SYK: variants seen among roughly 807,000 people sequenced by gnomAD.
SYK encodes tyrosine-protein kinase SYK.
In SYK, 16 loss-of-function variants were observed where a neutral mutation model predicts 77.8. The ratio of observed to expected loss-of-function variants is 0.21; its 90% CI spans 0.14 to 0.31. The LOEUF is 0.31. SYK is among the 10% of genes least tolerant of loss of function. The pLI is 1.00. For missense variants in SYK, 529 were observed against 814.4 expected, an observed-to-expected ratio of 0.65 and a Z score of 4.26; for synonymous variants, 312 against 308.7, an observed-to-expected ratio of 1.01 and a Z score of -0.11.
chr9:90,821,832 G>A (rs1825529511), intron 1 of SYK, among the ~76,000 whole-genome samples: 1 of 152,212 alleles, frequency 6.6e-6, no homozygotes, highest in Non-Finnish European at 1.5e-5. Flanking sequence ...GTGCTATCTG[G>A]TGTCCCTAGG....
In SYK at chr9:90,896,594, A is replaced by G. The variant is rs1447434420; in HGVS notation, c.*994A>G. On this transcript the variant is annotated 3_prime_UTR_variant, in exon 14 of 14. Coordinates refer to ENST00000375754, the MANE Select transcript of SYK (RefSeq NM_003177.7). The stretch of plus-strand genomic sequence containing the variant: ...CCAAAGAAAGTATTAATTCAGAACA[A>G]GCCAAAGACCCTGAGCCTCACCACA... 2.1e-5 allele frequency: 5 copies of G among 233,026 alleles called. No individual in the cohort carries two copies. The highest frequency in any genetic ancestry group is 8.8e-5 in the African/African-American group (4 of 45,450). The allele number at this position is 233,026 out of a possible 1,614,324, so 14.4% of individuals were successfully genotyped here.
intron 1 of SYK, among the ~76,000 whole-genome samples, chr9:90,811,470 A>G (rs1825067972): frequency 6.6e-6 from 1 of 152,212 alleles, no homozygotes; most frequent in African/African-American, 2.4e-5. Context: ...TAATAGCAAA[A>G]AAAAATCACT....
At chr9:90,812,778 T>A (rs941343866) in intron 1 of SYK, among the ~76,000 whole-genome samples, 3 of 135,862 alleles carry the variant, frequency 2.2e-5, no homozygotes, top group African/African-American at 9.0e-5. Flanking sequence ...TGTGTGTGTG[T>A]GAGAGAGAGA....
chr9:90,883,746 T>G (rs1828249412), intron 11 of SYK, among the ~76,000 whole-genome samples: 3 of 152,066 alleles, frequency 2.0e-5, no homozygotes, highest in Non-Finnish European at 2.9e-5. Context: ...TCCAGTGAGT[T>G]GCCCTACCAC....
At chr9:90,823,295 A>C (rs961538192) in intron 1 of SYK, among the ~76,000 whole-genome samples, 1 of 152,238 alleles carries the variant, frequency 6.6e-6, no homozygotes, top group Non-Finnish European at 1.5e-5. Flanking sequence ...GAAGTAGACA[A>C]ATCCTGTCTT....
intron 7 of SYK, among the ~76,000 whole-genome samples, chr9:90,872,368 T>A (rs1827763547): frequency 6.6e-6 from 1 of 152,174 alleles, no homozygotes; most frequent in South Asian, 2.1e-4. Context: ...TGTCTTTGGA[T>A]CTCAGAATGT....
chr9:90,816,378 T>G (rs1825292798), intron 1 of SYK, among the ~76,000 whole-genome samples: 1 of 152,202 alleles, frequency 6.6e-6, no homozygotes, highest in African/African-American at 2.4e-5. Context: ...AGTCCTGAAA[T>G]CGTTCACTGC....
In SYK at chr9:90,862,314, C is replaced by T. The variant is rs199938327; in HGVS notation, c.687C>T (p.Pro229=). 7.1e-5 allele frequency: 115 copies of T among 1,614,094 alleles called. 1 individual carries two copies. The Middle Eastern group carries it at 2.1e-3, about 30-fold the overall frequency. The change falls in exon 4 of 14, where the codon CCC becomes CCT. Residue 229 remains proline, a synonymous_variant. Transcript: ENST00000375754. Reference sequence around the variant, plus strand: ...ACAAGACAGGGAAGCTCTCCATCCCCGAGGGAAAGAAGTTCGACACGCTCT... The same window carrying T: ...ACAAGACAGGGAAGCTCTCCATCCCTGAGGGAAAGAAGTTCGACACGCTCT... ...DKDKTGKLSI[P]EGKKFDTLWQ...
intron 1 of SYK, among the ~76,000 whole-genome samples, chr9:90,818,491 G>A (rs1825381266): frequency 6.6e-6 from 1 of 152,218 alleles, no homozygotes; most frequent in Non-Finnish European, 1.5e-5. Flanking sequence ...TATGGGGGCT[G>A]TCGCAGCAGC....
At chr9:90,844,995 G>C (rs1380006072) in intron 2 of SYK, among the ~76,000 whole-genome samples, 4 of 152,134 alleles carry the variant, frequency 2.6e-5, no homozygotes, top group Admixed American at 2.6e-4. Context: ...GAGTGCAGTG[G>C]CATGATCTCA....
chr9:90,819,943 G>C (rs895062873), intron 1 of SYK, among the ~76,000 whole-genome samples: 1 of 152,174 alleles, frequency 6.6e-6, no homozygotes, highest in Non-Finnish European at 1.5e-5. Context: ...CAGGTATTGG[G>C]TAAATACACC....
At chr9:90,840,233 TCAGAACCCAGCATCCGCATCAC>T (rs1826245636) in intron 1 of SYK, among the ~76,000 whole-genome samples, 1 of 151,982 alleles carries the variant, frequency 6.6e-6, no homozygotes, top group Non-Finnish European at 1.5e-5. Flanking sequence ...TCAGGTGGCA[TCAGAACCCAGCATCCGCATCAC>T]CAGGATTGCA....
At chr9:90,839,420 C>CTGCAA (rs947441071) in intron 1 of SYK, among the ~76,000 whole-genome samples, 2 of 152,092 alleles carry the variant, frequency 1.3e-5, no homozygotes, top group Non-Finnish European at 2.9e-5. Context: ...GCGAACATAT[C>CTGCAA]TGCAATGCAC....
At chr9:90,888,030 A>C in intron 12 of SYK, 141 bp downstream of exon 12, 1 of 1,089,386 alleles carries the variant, frequency 9.2e-7, no homozygotes. Flanking sequence ...CCCTCAGTCT[A>C]TTCCAAACTG....
chr9:90,874,559 T>C, intron 8 of SYK, 113 bp from the exon 9 acceptor site: 1 of 1,325,594 alleles, frequency 7.5e-7, no homozygotes, highest in Non-Finnish European at 1.0e-6. Flanking sequence ...TCTCATCCCT[T>C]GCAACATTGA....
chr9:90,829,742 T>C (rs981978173), intron 1 of SYK, among the ~76,000 whole-genome samples: 2 of 152,342 alleles, frequency 1.3e-5, no homozygotes, highest in South Asian at 2.1e-4. Flanking sequence ...ATCAGTTAGA[T>C]TGTAAATTAA....
Position 90,897,479 on chromosome 9 carries a change from G to A in SYK, c.*1879G>A, listed in dbSNP as rs1398497680. 8.6e-6 allele frequency: 2 copies of A among 232,284 alleles called. No individual in the cohort carries two copies. The highest frequency in any genetic ancestry group is 1.1e-4 in the Admixed American group (2 of 17,756). 14.4% of individuals were successfully genotyped at this position (232,284 alleles called of 1,614,324 possible). ...TGGATGTGCCAAGTTTGGTAAAGTGGTGACTGCATCTGAGAAAGAGGCTGT... is the reference window on the plus strand; with the variant it reads ...TGGATGTGCCAAGTTTGGTAAAGTGATGACTGCATCTGAGAAAGAGGCTGT... On this transcript the variant is annotated 3_prime_UTR_variant, in exon 14 of 14. Transcript: ENST00000375754.
In SYK at chr9:90,895,416, G is replaced by C; in HGVS notation, c.1836-112G>C. 1.8e-6 allele frequency: 2 copies of C among 1,138,618 alleles called. No individual in the cohort carries two copies. Among genetic ancestry groups the C allele is most frequent in the Non-Finnish European group, 2.6e-6 (2 of 770,150 alleles). 70.5% of individuals were successfully genotyped at this position (1,138,618 alleles called of 1,614,324 possible). On this transcript the variant is annotated intron_variant, in intron 13 of 13. Coordinates refer to ENST00000375754, the MANE Select transcript of SYK (RefSeq NM_003177.7). The surrounding 1 kb of genome is among the most constrained non-coding windows in gnomAD (Gnocchi z 4.4). ...CACGCTGTGAGCTGCAGGCCCTAGA[G>C]TTAGCCACCAGGGAGCAGCACCACT...
intron 1 of SYK, among the ~76,000 whole-genome samples, chr9:90,817,477 C>T (rs928975461): frequency 6.6e-6 from 1 of 152,142 alleles, no homozygotes; most frequent in Non-Finnish European, 1.5e-5. Flanking sequence ...ATTCATTTTT[C>T]CCTGCTTGAT....
Sources: gnomAD v4.1 joint callset for allele counts (sites outside exome capture counted in the v4.1 genomes callset) on GRCh38, gnomAD v4.1.1 for gene constraint, Gnocchi (gnomAD v3.1) non-coding constraint, MANE v1.5 for transcripts, NCBI Gene and HGNC (gene_info 2026-07-23, HGNC 2026-07-21) for gene names.